CNTNAP2: variants seen among roughly 807,000 people sequenced by gnomAD.
CNTNAP2 encodes the protein contactin associated protein 2.
CNTNAP2 carries 98 observed loss-of-function variants against 155.2 expected under a neutral mutation model. The ratio of observed to expected loss-of-function variants is 0.63; its 90% CI spans 0.54 to 0.75. The LOEUF (loss-of-function observed/expected upper bound fraction) is 0.75. Ranked by LOEUF, CNTNAP2 falls within the 30% of genes least tolerant of loss-of-function variation. CNTNAP2 has a pLI of 0.00. For missense variants in CNTNAP2, 1,727 were observed against 1,688.1 expected, an observed-to-expected ratio of 1.02 and a Z score of -0.40; for synonymous variants, 651 against 631.2, an observed-to-expected ratio of 1.03 and a Z score of -0.47.
At chr7:146,663,197 A>C (rs539479794) in intron 1 of CNTNAP2, among the ~76,000 whole-genome samples, 1 of 150,844 alleles carries the variant, frequency 6.6e-6, no homozygotes, top group African/African-American at 2.4e-5. Flanking sequence ...AGAATCACTT[A>C]AACCCGGGAG....
intron 12 of CNTNAP2, among the ~76,000 whole-genome samples, chr7:147,589,654 A>G (rs967545387): frequency 6.6e-6 from 1 of 152,146 alleles, no homozygotes; most frequent in Non-Finnish European, 1.5e-5. Context: ...ATATTGTTGT[A>G]TATGCCTGTA....
intron 13 of CNTNAP2, among the ~76,000 whole-genome samples, chr7:147,694,280 C>T (rs1796131319): frequency 6.6e-6 from 1 of 152,000 alleles, no homozygotes; most frequent in Non-Finnish European, 1.5e-5. Flanking sequence ...AGGATTTTTA[C>T]ATCTATATTC....
chr7:147,219,834 G>GGCGCCATCTCGGCTCACTGCAA (rs1207086542), intron 8 of CNTNAP2, among the ~76,000 whole-genome samples: 2 of 152,094 alleles, frequency 1.3e-5, no homozygotes, highest in African/African-American at 4.8e-5. Context: ...GGAGTGCAGT[G>GGCGCCATCTCGGCTCACTGCAA]GCGCCATCTC....
intron 1 of CNTNAP2, among the ~76,000 whole-genome samples, chr7:146,769,460 G>T (rs1053048378): frequency 7.9e-5 from 12 of 152,146 alleles, no homozygotes; most frequent in African/African-American, 2.9e-4. Context: ...AATAAAAATG[G>T]ATAGTATATT....
chr7:147,042,796 T>G (rs6975318), intron 3 of CNTNAP2, among the ~76,000 whole-genome samples: 7 of 151,822 alleles, frequency 4.6e-5, no homozygotes, highest in Non-Finnish European at 7.4e-5. Flanking sequence ...AATCTGAAAG[T>G]TAATATCTTC....
intron 16 of CNTNAP2, among the ~76,000 whole-genome samples, chr7:148,143,351 G>T (rs1805113265): frequency 6.6e-6 from 1 of 152,156 alleles, no homozygotes; most frequent in African/African-American, 2.4e-5. Flanking sequence ...TCTCACATAA[G>T]AAATCCTAAG....
At chr7:147,404,074 G>A (rs1796962764) in intron 10 of CNTNAP2, among the ~76,000 whole-genome samples, 1 of 152,036 alleles carries the variant, frequency 6.6e-6, no homozygotes. Context: ...ACCATTAGGT[G>A]CTTATTTCAT....
intron 1 of CNTNAP2, among the ~76,000 whole-genome samples, chr7:146,766,695 T>A (rs1016614299): frequency 6.6e-6 from 1 of 152,156 alleles, no homozygotes; most frequent in Non-Finnish European, 1.5e-5. Flanking sequence ...ACTCAAAATA[T>A]TTACTTGGCT....
At chr7:146,378,187 A>G (rs189343010) in intron 1 of CNTNAP2, among the ~76,000 whole-genome samples, 54 of 152,324 alleles carry the variant, frequency 3.5e-4, no homozygotes, top group Middle Eastern at 3.4e-3. Context: ...ATAACAGGTG[A>G]ACAATAGGTG....
chr7:146,658,384 C>CAAAA (rs200493732), intron 1 of CNTNAP2, among the ~76,000 whole-genome samples: 3 of 139,672 alleles, frequency 2.1e-5, no homozygotes, highest in Non-Finnish European at 3.1e-5. Context: ...TGATTTCTGC[C>CAAAA]AAAAAAAAAA....
intron 9 of CNTNAP2, among the ~76,000 whole-genome samples, chr7:147,325,445 G>A (rs565230831): frequency 8.5e-4 from 130 of 152,182 alleles, no homozygotes; most frequent in African/African-American, 2.9e-3. Context: ...TTAATTATGC[G>A]GTTCTTGCTT....
At chr7:147,652,343 A>G (rs1795461802) in intron 13 of CNTNAP2, among the ~76,000 whole-genome samples, 1 of 152,124 alleles carries the variant, frequency 6.6e-6, no homozygotes, top group African/African-American at 2.4e-5. Context: ...ATGCTCAGGT[A>G]TTTTTTCTCT....
At chr7:148,212,142 GT>G (rs79394797) in intron 18 of CNTNAP2, among the ~76,000 whole-genome samples, 51,882 of 147,962 alleles carry the variant, frequency 0.35, 9,245 homozygotes, top group East Asian at 0.61. Context: ...TTTTTTGTGG[GT>G]TTTTTTTTTT....
Position 148,148,217 on chromosome 7 carries a change from T to C in CNTNAP2, c.2773+508T>C, listed in dbSNP as rs150508732. 2.1e-3 allele frequency among the ~76,000 whole-genome samples: 315 copies of C among 152,120 alleles called. 1 individual carries two copies. Among genetic ancestry groups the C allele is most frequent in the African/African-American group, 7.2e-3 (299 of 41,520 alleles). On this transcript the variant is annotated intron_variant, in intron 17 of 23. Coordinates refer to ENST00000361727, the MANE Select transcript of CNTNAP2 (RefSeq NM_014141.6). ...AGAAAGATTTAGACTTTTCCTGACATAGGAAAAAAGATCAGTACAAAAAAG... is the reference window on the plus strand; with the variant it reads ...AGAAAGATTTAGACTTTTCCTGACACAGGAAAAAAGATCAGTACAAAAAAG...
intron 17 of CNTNAP2, among the ~76,000 whole-genome samples, chr7:148,153,008 A>G (rs549336900): frequency 1.0e-4 from 14 of 136,278 alleles, no homozygotes; most frequent in South Asian, 5.1e-4. Context: ...GTGACTGAGC[A>G]AGACTCCGTC....
intron 1 of CNTNAP2, among the ~76,000 whole-genome samples, chr7:146,183,307 C>T (rs528832687): frequency 4.1e-4 from 62 of 152,202 alleles, no homozygotes; most frequent in African/African-American, 1.5e-3. Flanking sequence ...TCCCATCAGC[C>T]ATGGGATTCA....
intron 8 of CNTNAP2, among the ~76,000 whole-genome samples, chr7:147,199,036 A>T (rs896719705): frequency 7.1e-6 from 1 of 141,230 alleles, no homozygotes; most frequent in African/African-American, 2.7e-5. Context: ...GTCTCAGCTC[A>T]CTGCAACCTT....
intron 8 of CNTNAP2, among the ~76,000 whole-genome samples, chr7:147,299,853 C>A (rs1052674732): frequency 1.3e-5 from 2 of 152,056 alleles, no homozygotes; most frequent in African/African-American, 4.8e-5. Flanking sequence ...AGGCCGAGGT[C>A]ATCTAAATGA....
chr7:146,242,259 G>T (rs1799573875), intron 1 of CNTNAP2, among the ~76,000 whole-genome samples: 1 of 152,116 alleles, frequency 6.6e-6, no homozygotes, highest in African/African-American at 2.4e-5. Flanking sequence ...AATAAAACAG[G>T]CCGGGCGCCG....
Sources: gnomAD v4.1 joint callset for allele counts (sites outside exome capture counted in the v4.1 genomes callset) on GRCh38, gnomAD v4.1.1 for gene constraint, MANE v1.5 for transcripts, NCBI Gene and HGNC (gene_info 2026-07-23, HGNC 2026-07-21) for gene names.